Variants in IARS1 observed in about 807,000 individuals in gnomAD.
The protein encoded by IARS1 is isoleucyl-tRNA synthetase 1, also known as isoleucine--tRNA ligase, cytoplasmic.
A neutral mutation model predicts 168.2 loss-of-function variants in IARS1; 124 were observed. The observed-to-expected ratio is 0.74, with a 90% CI of 0.64 to 0.86. IARS1 has a LOEUF of 0.86. Ranked by LOEUF, IARS1 falls within the 40% of genes least tolerant of loss-of-function variation. IARS1 has a pLI of 0.00. For synonymous variants in IARS1, 532 were observed against 529.4 expected, an observed-to-expected ratio of 1.00 and a Z score of -0.07; for missense variants, 1,452 against 1,515.8, an observed-to-expected ratio of 0.96 and a Z score of 0.70.
chr9:92,242,915 C>T, intron 28 of IARS1: 1 of 317,122 alleles, frequency 3.2e-6, no homozygotes. Flanking sequence ...TCTGCAAAGA[C>T]ACTATCAGCT....
At chr9:92,272,431 AG>A (rs1457132671) in intron 10 of IARS1, among the ~76,000 whole-genome samples, 1 of 152,250 alleles carries the variant, frequency 6.6e-6, no homozygotes, top group African/African-American at 2.4e-5. Context: ...AGCTAAGAGC[AG>A]CATTCCTGAA....
rs572356354 is a variant in IARS1, at chr9:92,243,335, C to G, written c.2905-24G>C. The G allele has an allele frequency of 2.0e-5, 30 of 1,484,760 alleles. No individual in the cohort carries two copies. The South Asian group carries it at 3.1e-4, about 15-fold the overall frequency. The allele number at this position is 1,484,760 out of a possible 1,614,324, so 92.0% of individuals were successfully genotyped here. A position where few individuals can be genotyped will look rare whatever the true frequency, so the allele number is the denominator to read the frequency against. ...GCCTGTGGGAATGAACAGTGCACAC[C>G]ATGACAATCAAATAAGGAGAAACAC... On this transcript the variant is annotated intron_variant, in intron 27 of 33. Transcript: ENST00000443024.
intron 30 of IARS1, among the ~76,000 whole-genome samples, chr9:92,237,991 C>T (rs1432631583): frequency 2.6e-5 from 4 of 152,176 alleles, no homozygotes; most frequent in East Asian, 1.9e-4. Context: ...CTGCAACCTC[C>T]GCCTCCCGGG....
chr9:92,271,694 T>C, intron 10 of IARS1, 39 bp from the exon 11 acceptor site: 1 of 1,609,254 alleles, frequency 6.2e-7, no homozygotes, highest in Non-Finnish European at 8.5e-7. Flanking sequence ...TAAAACAGTC[T>C]ATGTATGGGT....
At chr9:92,258,801 G>C (rs1831100324) in intron 19 of IARS1, 53 bp downstream of exon 19, 1 of 1,508,522 alleles carries the variant, frequency 6.6e-7, no homozygotes, top group Non-Finnish European at 8.9e-7. Context: ...GCTTGGTGAA[G>C]GGAGCGCTGT....
Position 92,210,700 on chromosome 9 carries a change from T to C in IARS1, c.*107A>G, listed in dbSNP as rs1338194279. The C allele has an allele frequency of 1.5e-5, 11 of 728,552 alleles. No individual in the cohort carries two copies. The highest frequency in any genetic ancestry group is 2.7e-5 in the Non-Finnish European group (11 of 401,584). The allele number at this position is 728,552 out of a possible 1,614,324, so 45.1% of individuals were successfully genotyped here. A position where few individuals can be genotyped will look rare whatever the true frequency, so the allele number is the denominator to read the frequency against. On this transcript the variant is annotated 3_prime_UTR_variant, in exon 34 of 34. Coordinates refer to ENST00000443024, the MANE Select transcript of IARS1 (RefSeq NM_002161.6). ...CCAAGCAGCATATTTTACACACACC[T>C]GAAGGAAATATCTTCAGTGTGTTCA... is the stretch of plus-strand genomic sequence containing the variant.
chr9:92,255,907 A>C (rs79714834), intron 20 of IARS1, among the ~76,000 whole-genome samples: 1 of 152,310 alleles, frequency 6.6e-6, no homozygotes, highest in African/African-American at 2.4e-5. Flanking sequence ...CAAAGATATG[A>C]TAAATGCTTG....
chr9:92,246,389 C>G (rs1829203194), intron 26 of IARS1, among the ~76,000 whole-genome samples: 1 of 152,140 alleles, frequency 6.6e-6, no homozygotes, highest in African/African-American at 2.4e-5. Flanking sequence ...GGATGTCAGA[C>G]AGCCACACTC....
In IARS1 at chr9:92,236,829, C is replaced by T. The variant is rs532080537; in HGVS notation, c.3283+4027G>A. Among the ~76,000 whole-genome samples the T allele has an allele frequency of 3.9e-5, 6 of 152,308 alleles. No individual in the cohort carries two copies. The South Asian group carries it at 1.0e-3, about 26-fold the overall frequency. On this transcript the variant is annotated intron_variant, in intron 30 of 33. Coordinates refer to ENST00000443024, the MANE Select transcript of IARS1 (RefSeq NM_002161.6). ...GCATCACTGCACTGTCCAGCCTGGG[C>T]GACAAGCATCCAAGTTGTCAAACTT...
At chr9:92,259,857 G>A (rs901818938) in intron 18 of IARS1, among the ~76,000 whole-genome samples, 10 of 152,190 alleles carry the variant, frequency 6.6e-5, no homozygotes, top group African/African-American at 9.7e-5. Flanking sequence ...ACCTAGAAAG[G>A]AAGTAAGGCA....
chr9:92,277,424 A>G (rs1833919192), intron 9 of IARS1, among the ~76,000 whole-genome samples: 1 of 152,064 alleles, frequency 6.6e-6, no homozygotes, highest in Non-Finnish European at 1.5e-5. Context: ...AACAACAACA[A>G]CAAAAAATCC....
intron 7 of IARS1, among the ~76,000 whole-genome samples, chr9:92,279,122 G>C (rs1834160510): frequency 6.6e-6 from 1 of 152,164 alleles, no homozygotes; most frequent in African/African-American, 2.4e-5. Context: ...TAGAGCCTAT[G>C]TCATATATTT....
chr9:92,231,996 C>G (rs1826782104), intron 30 of IARS1, among the ~76,000 whole-genome samples: 1 of 152,118 alleles, frequency 6.6e-6, no homozygotes, highest in Non-Finnish European at 1.5e-5. Context: ...ACTATGAGTT[C>G]AACCTATGAA....
chr9:92,251,066 T>C (rs1829945575), intron 22 of IARS1: 1 of 565,312 alleles, frequency 1.8e-6, no homozygotes, highest in Non-Finnish European at 3.4e-6. Flanking sequence ...CTGAAGGATG[T>C]CTAAAATAGA....
At chr9:92,285,663 A>G in intron 6 of IARS1, 59 bp downstream of exon 6, 1 of 1,047,200 alleles carries the variant, frequency 9.5e-7, no homozygotes, top group Non-Finnish European at 1.5e-6. Context: ...TGTGATCATA[A>G]CTACTCAGCT....
At chr9:92,246,908 G>C (rs1018010952) in intron 26 of IARS1, among the ~76,000 whole-genome samples, 1 of 152,168 alleles carries the variant, frequency 6.6e-6, no homozygotes, top group Non-Finnish European at 1.5e-5. Flanking sequence ...TTAAGAAAAG[G>C]ATGGACCGGT....
Position 92,240,852 on chromosome 9 carries a change from T to G in IARS1, c.3283+4A>C, listed in dbSNP as rs1828285591. The G allele has an allele frequency of 6.3e-7, 1 of 1,582,198 alleles. No homozygotes were observed. Among genetic ancestry groups the G allele is most frequent in the South Asian group, 1.1e-5 (1 of 90,370 alleles). On this transcript the variant is annotated splice_donor_region_variant and intron_variant, in intron 30 of 33. Transcript: ENST00000443024. Reference sequence around the variant, plus strand: ...GTCACACAAATCATGGAATTTACTCTTACCTTGTTCACTGCCATTTGCACA... The same window carrying G: ...GTCACACAAATCATGGAATTTACTCGTACCTTGTTCACTGCCATTTGCACA...
chr9:92,277,969 A>G, intron 8 of IARS1, 46 bp from the exon 9 acceptor site: 1 of 1,551,146 alleles, frequency 6.4e-7, no homozygotes, highest in Non-Finnish European at 8.9e-7. Context: ...AAAATCAAAT[A>G]TGAGGCTGCA....
Position 92,265,477 on chromosome 9 carries a change from G to GA in IARS1, c.1505+2dup. The GA allele has an allele frequency of 6.2e-7, 1 of 1,612,530 alleles. No homozygotes were observed. The highest frequency in any genetic ancestry group is 8.5e-7 in the Non-Finnish European group (1 of 1,178,770). On this transcript the variant is annotated splice_region_variant and intron_variant, in intron 15 of 33. Transcript: ENST00000443024. ...GAAGTGAATCGAACATTTAGAAACTGACCTCTCTCTGTGGAGATCTGAGAT... is the reference window on the plus strand; with the variant it reads ...GAAGTGAATCGAACATTTAGAAACTGAACCTCTCTCTGTGGAGATCTGAGAT...
Sources: allele counts gnomAD v4.1 joint callset (sites outside exome capture counted in the v4.1 genomes callset), GRCh38; gene constraint gnomAD v4.1.1; transcripts MANE v1.5; gene names NCBI Gene and HGNC (gene_info 2026-07-23, HGNC 2026-07-21).